The following CNTN4 variants were observed in gnomAD, a reference collection of about 807,000 sequenced individuals.
CNTN4 encodes contactin 4, also known as contactin-4.
A neutral mutation model predicts 122.5 loss-of-function variants in CNTN4; 77 were observed. The ratio of observed to expected loss-of-function variants is 0.63; its 90% CI spans 0.52 to 0.76. The LOEUF (loss-of-function observed/expected upper bound fraction) is 0.76, where lower values mean the gene tolerates loss of function less well. CNTN4 is among the 30% of genes least tolerant of loss of function. The pLI is 0.00. For synonymous variants in CNTN4, 512 were observed against 447.0 expected (o/e 1.15, Z -1.83); for missense variants, 1,256 against 1,259.1 (o/e 1.00, Z 0.04).
rs555224165 is a variant in CNTN4 at position 2,840,653 on chromosome 3, C to T, written c.454+21072C>T. On this transcript the variant is annotated intron_variant, in intron 7 of 24. Transcript: ENST00000418658. ...GGCGGAGCTTGCAGTGAGCCAAGAT[C>T]ACACCACTGCACTCCAGCCTGGGCG... Among the ~76,000 whole-genome samples the T allele has an allele frequency of 1.4e-3, 209 of 144,410 alleles. 1 individual carries two copies. Among genetic ancestry groups the T allele is most frequent in the Non-Finnish European group, 2.8e-3 (183 of 66,138 alleles). The allele number at this position is 144,410 out of a possible 152,430, so 94.7% of individuals were successfully genotyped here.
At chr3:2,468,535 A>T (rs988477978) in intron 3 of CNTN4, among the ~76,000 whole-genome samples, 2 of 152,152 alleles carry the variant, frequency 1.3e-5, no homozygotes, top group Admixed American at 1.3e-4. Flanking sequence ...TGTGTCTGGG[A>T]TCTACAGAGA....
intron 7 of CNTN4, among the ~76,000 whole-genome samples, chr3:2,849,405 G>T (rs2150622200): frequency 6.6e-6 from 1 of 152,284 alleles, no homozygotes; most frequent in Non-Finnish European, 1.5e-5. Context: ...TGATTAAAAT[G>T]GTAAACTTTT....
chr3:2,616,467 G>A (rs2081743836), intron 4 of CNTN4, among the ~76,000 whole-genome samples: 1 of 152,274 alleles, frequency 6.6e-6, no homozygotes, highest in East Asian at 1.9e-4. Context: ...ATAGTAGAAT[G>A]ATTTATATTC....
intron 23 of CNTN4, among the ~76,000 whole-genome samples, chr3:3,048,588 G>A (rs754466209): frequency 7.2e-5 from 11 of 151,726 alleles, no homozygotes; most frequent in Non-Finnish European, 1.5e-4. Context: ...GATATCTCAC[G>A]TCCCATGATA....
intron 4 of CNTN4, 91 bp downstream of exon 4, chr3:2,571,649 T>C (rs2079424126): frequency 6.6e-6 from 6 of 910,348 alleles, no homozygotes; most frequent in Non-Finnish European, 1.1e-5. Flanking sequence ...ACGGCAATGA[T>C]AAAATCGCAA....
chr3:2,831,280 A>C (rs911467136), intron 7 of CNTN4, among the ~76,000 whole-genome samples: 1 of 152,212 alleles, frequency 6.6e-6, no homozygotes, highest in South Asian at 2.1e-4. Context: ...TATATTAATC[A>C]ATGACAAACA....
At chr3:2,327,544 TTA>T (rs2043514739) in intron 2 of CNTN4, among the ~76,000 whole-genome samples, 2 of 152,208 alleles carry the variant, frequency 1.3e-5, no homozygotes, top group African/African-American at 2.4e-5. Flanking sequence ...GCCTTATATT[TTA>T]TATATGTTTT....
intron 2 of CNTN4, among the ~76,000 whole-genome samples, chr3:2,237,027 A>G (rs1209922091): frequency 6.6e-6 from 1 of 152,154 alleles, no homozygotes; most frequent in Non-Finnish European, 1.5e-5. Flanking sequence ...GATGGTGGGA[A>G]TATTTGGCAA....
intron 2 of CNTN4, among the ~76,000 whole-genome samples, chr3:2,304,944 T>C (rs2042650958): frequency 6.6e-6 from 1 of 151,894 alleles, no homozygotes; most frequent in Non-Finnish European, 1.5e-5. Flanking sequence ...TATTTATTTA[T>C]TCATAAGCCA....
chr3:3,027,019 A>T (rs1463502974), intron 15 of CNTN4, among the ~76,000 whole-genome samples: 1 of 152,118 alleles, frequency 6.6e-6, no homozygotes, highest in East Asian at 1.9e-4. Context: ...AACATAGCGG[A>T]ATACAAAAAT....
intron 12 of CNTN4, among the ~76,000 whole-genome samples, chr3:2,908,573 T>C (rs1204242442): frequency 6.6e-6 from 1 of 152,170 alleles, no homozygotes; most frequent in Non-Finnish European, 1.5e-5. Context: ...GAACATAAAC[T>C]GTACCTCAGA....
chr3:2,920,762 T>G (rs1326270927), intron 12 of CNTN4, among the ~76,000 whole-genome samples: 1 of 152,006 alleles, frequency 6.6e-6, no homozygotes, highest in Non-Finnish European at 1.5e-5. Context: ...ATGTATTATT[T>G]TATTTAATCC....
At chr3:2,144,718 C>T (rs1228336056) in intron 2 of CNTN4, among the ~76,000 whole-genome samples, 1 of 152,138 alleles carries the variant, frequency 6.6e-6, no homozygotes, top group Non-Finnish European at 1.5e-5. Context: ...AAATATAAAC[C>T]AGTGCCCAGC....
At chr3:2,953,842 A>G (rs2094771852) in intron 13 of CNTN4, among the ~76,000 whole-genome samples, 1 of 152,180 alleles carries the variant, frequency 6.6e-6, no homozygotes, top group Non-Finnish European at 1.5e-5. Flanking sequence ...TCATTGATTA[A>G]TTGAGTCATT....
intron 3 of CNTN4, among the ~76,000 whole-genome samples, chr3:2,488,464 G>A (rs1336805829): frequency 6.6e-6 from 1 of 152,120 alleles, no homozygotes; most frequent in Non-Finnish European, 1.5e-5. Context: ...GGGGGTGTGT[G>A]TGCCCTGTGT....
intron 13 of CNTN4, among the ~76,000 whole-genome samples, chr3:2,934,646 C>G (rs944703703): frequency 1.3e-5 from 2 of 152,226 alleles, no homozygotes; most frequent in Admixed American, 6.5e-5. Flanking sequence ...TATATGTGCT[C>G]TTAATGAGAA....
At chr3:2,190,329 G>T (rs1280097350) in intron 2 of CNTN4, among the ~76,000 whole-genome samples, 7 of 148,964 alleles carry the variant, frequency 4.7e-5, no homozygotes, top group African/African-American at 1.2e-4. Context: ...GTGTGTCTTT[G>T]TGTTTTTTTT....
At chr3:2,221,384 C>T (rs953831353) in intron 2 of CNTN4, among the ~76,000 whole-genome samples, 1 of 151,876 alleles carries the variant, frequency 6.6e-6, no homozygotes, top group Admixed American at 6.6e-5. Context: ...CTACCTCACA[C>T]CATATACAAA....
At chr3:3,036,232 T>G (rs1395549917) in intron 17 of CNTN4, among the ~76,000 whole-genome samples, 1 of 152,222 alleles carries the variant, frequency 6.6e-6, no homozygotes, top group Non-Finnish European at 1.5e-5. Flanking sequence ...GTTGAGCAAT[T>G]CATATAAATC....
Sources: allele counts gnomAD v4.1 joint callset (sites outside exome capture counted in the v4.1 genomes callset), GRCh38; gene constraint gnomAD v4.1.1; transcripts MANE v1.5; gene names NCBI Gene and HGNC (gene_info 2026-07-23, HGNC 2026-07-21).